JAK1: variants seen among roughly 807,000 people sequenced by gnomAD.
The protein encoded by JAK1 is tyrosine-protein kinase JAK1.
In JAK1, 16 loss-of-function variants were observed where a neutral mutation model predicts 136.6. The ratio of observed to expected loss-of-function variants is 0.12; its 90% CI spans 0.08 to 0.18. JAK1 has a LOEUF of 0.18. JAK1 is among the 10% of genes least tolerant of loss of function. The pLI, the probability that JAK1 is intolerant of heterozygous loss-of-function variation, is 1.00. For missense variants in JAK1, 859 were observed against 1,450.1 expected (o/e 0.59, Z 6.62); for synonymous variants, 492 against 519.5 (o/e 0.95, Z 0.72).
chr1:64,894,475 G>C (rs530574788), intron 1 of JAK1, among the ~76,000 whole-genome samples: 1 of 152,106 alleles, frequency 6.6e-6, no homozygotes, highest in Non-Finnish European at 1.5e-5. Context: ...AAAACAAAAC[G>C]AGGCGGGGCA....
At chr1:64,923,407 C>A (rs988213540) in intron 1 of JAK1, among the ~76,000 whole-genome samples, 3 of 152,164 alleles carry the variant, frequency 2.0e-5, no homozygotes, top group Non-Finnish European at 4.4e-5. Context: ...TAGAATTGTG[C>A]ATGCTTGAAA....
At chr1:64,928,207 G>C (rs1305503978) in intron 1 of JAK1, among the ~76,000 whole-genome samples, 1 of 152,130 alleles carries the variant, frequency 6.6e-6, no homozygotes, top group Non-Finnish European at 1.5e-5. Context: ...AAACAGGGAG[G>C]GGTAGCTGGT....
rs376128735 is a variant in JAK1, at chr1:64,990,598, C to A, written c.-78+53882G>T. 2.0e-4 allele frequency: 30 copies of A among 152,134 alleles called. 5 individuals carry two copies. The highest frequency in any genetic ancestry group is 3.3e-4 in the Admixed American group (5 of 15,262). The allele number at this position is 152,134 out of a possible 1,614,324, so 9.4% of individuals were successfully genotyped here. A position where few individuals can be genotyped will look rare whatever the true frequency, so the allele number is the denominator to read the frequency against. On this transcript the variant is annotated intron_variant, in intron 2 of 25. Transcript: ENST00000671954. ...CAACAAAAAAAATCACAAGAAGGTACACAAAGAAACAGGAAAGTATACTTC... is the reference window on the plus strand; with the variant it reads ...CAACAAAAAAAATCACAAGAAGGTAAACAAAGAAACAGGAAAGTATACTTC...
At chr1:65,050,124 C>T (rs1336839891) in intron 1 of JAK1, among the ~76,000 whole-genome samples, 3 of 152,198 alleles carry the variant, frequency 2.0e-5, no homozygotes, top group Admixed American at 2.0e-4. Context: ...CCATACTTAG[C>T]AAACAGGAAA....
chr1:65,032,740 T>C (rs1647034858), intron 2 of JAK1, among the ~76,000 whole-genome samples: 1 of 152,234 alleles, frequency 6.6e-6, no homozygotes, highest in Admixed American at 6.5e-5. Flanking sequence ...AGTGTCTTCA[T>C]GCATCCGTTT....
chr1:64,844,355 G>T lies in JAK1; in HGVS notation c.2252-140C>A. ...CCAAACATGGCCCATGGCCACATAG[G>T]CCCTGTGCGGGGGGCCTGCAGGCGT... On this transcript the variant is annotated intron_variant, in intron 16 of 24. Transcript: ENST00000342505. This position sits in a 1 kb window ranked among gnomAD's most constrained non-coding sequence, Gnocchi z 5.7. 8.9e-7 allele frequency: 1 copy of T among 1,117,990 alleles called. No homozygotes were observed. Among genetic ancestry groups the T allele is most frequent in the Non-Finnish European group, 1.3e-6 (1 of 758,636 alleles). 69.3% of individuals were successfully genotyped at this position (1,117,990 alleles called of 1,614,324 possible).
At chr1:64,893,037 G>A (rs1460464735) in intron 1 of JAK1, among the ~76,000 whole-genome samples, 1 of 152,102 alleles carries the variant, frequency 6.6e-6, no homozygotes, top group Non-Finnish European at 1.5e-5. Flanking sequence ...AGGACACAAG[G>A]GCCATGCTTT....
At chr1:65,042,256 ATAT>A (rs1335343926) in intron 2 of JAK1, among the ~76,000 whole-genome samples, 1 of 152,150 alleles carries the variant, frequency 6.6e-6, no homozygotes, top group Non-Finnish European at 1.5e-5. Flanking sequence ...GTAAATGCAA[ATAT>A]TATCCCGTTT....
chr1:64,916,863 G>A (rs1005050815), intron 1 of JAK1, among the ~76,000 whole-genome samples: 11 of 150,002 alleles, frequency 7.3e-5, no homozygotes, highest in Non-Finnish European at 1.5e-4. Flanking sequence ...AAAAGTTTAG[G>A]AAATAGGTTA....
chr1:65,049,628 G>C (rs887627079), intron 1 of JAK1, among the ~76,000 whole-genome samples: 4 of 152,146 alleles, frequency 2.6e-5, no homozygotes, highest in Non-Finnish European at 4.4e-5. Context: ...TTTGTTGAGA[G>C]GCACTGCTGT....
At chr1:64,909,687 G>A (rs1348430760) in intron 1 of JAK1, among the ~76,000 whole-genome samples, 1 of 151,690 alleles carries the variant, frequency 6.6e-6, no homozygotes, top group East Asian at 1.9e-4. Context: ...AGCCAGGTGT[G>A]GTGGCACATG....
chr1:65,019,095 A>C (rs988874305), intron 2 of JAK1, among the ~76,000 whole-genome samples: 1 of 152,208 alleles, frequency 6.6e-6, no homozygotes, highest in Non-Finnish European at 1.5e-5. Flanking sequence ...TGAATCGTTT[A>C]CAGAAAATCC....
At chr1:64,971,855 G>A (rs1406857194) in intron 2 of JAK1, among the ~76,000 whole-genome samples, 3 of 152,086 alleles carry the variant, frequency 2.0e-5, no homozygotes, top group Non-Finnish European at 4.4e-5. Context: ...CACCGTGCTC[G>A]GCCTTATCTA....
At chr1:64,911,722 T>G (rs145116194) in intron 1 of JAK1, among the ~76,000 whole-genome samples, 15 of 152,322 alleles carry the variant, frequency 9.8e-5, no homozygotes, top group Non-Finnish European at 1.5e-4. Context: ...CAATAAAAGT[T>G]GAAAACATTT....
intron 2 of JAK1, among the ~76,000 whole-genome samples, chr1:64,976,394 T>G (rs1646497744): frequency 6.6e-6 from 1 of 152,224 alleles, no homozygotes; most frequent in Non-Finnish European, 1.5e-5. Context: ...TATGCACTAT[T>G]AACCGTCTTT....
At chr1:65,053,885 G>A (rs1412512161) in intron 1 of JAK1, among the ~76,000 whole-genome samples, 1 of 152,200 alleles carries the variant, frequency 6.6e-6, no homozygotes, top group African/African-American at 2.4e-5. Flanking sequence ...GTTATTCAGA[G>A]AAGCTAGAAA....
intron 1 of JAK1, among the ~76,000 whole-genome samples, chr1:64,905,352 C>T (rs927435927): frequency 6.6e-6 from 1 of 152,230 alleles, no homozygotes; most frequent in African/African-American, 2.4e-5. Context: ...ACAACGTCAA[C>T]TGTATCCGAT....
intron 1 of JAK1, among the ~76,000 whole-genome samples, chr1:64,921,349 G>A (rs546346069): frequency 2.0e-5 from 3 of 152,124 alleles, no homozygotes; most frequent in Admixed American, 1.3e-4. Context: ...TGACTCCCTC[G>A]CCTCTCCCTT....
intron 22 of JAK1, among the ~76,000 whole-genome samples, chr1:64,837,012 A>C (rs1158825753): frequency 6.6e-6 from 1 of 152,200 alleles, no homozygotes; most frequent in African/African-American, 2.4e-5. Flanking sequence ...GTTCCTGGGA[A>C]ATCGACTGCT....
Sources: allele counts gnomAD v4.1 joint callset (sites outside exome capture counted in the v4.1 genomes callset), GRCh38; gene constraint gnomAD v4.1.1; non-coding constraint Gnocchi (gnomAD v3.1); transcripts MANE v1.5; gene names NCBI Gene and HGNC (gene_info 2026-07-23, HGNC 2026-07-21).